PRICKLE1: variants seen among roughly 807,000 people sequenced by gnomAD.
PRICKLE1 encodes the protein prickle planar cell polarity protein 1.
In PRICKLE1, 14 loss-of-function variants were observed where a neutral mutation model predicts 70.2. That is an observed-to-expected ratio of 0.20 (90% CI 0.13 to 0.31). The LOEUF (loss-of-function observed/expected upper bound fraction) is 0.31. PRICKLE1 is among the 10% of genes least tolerant of loss of function. The pLI is 1.00. For synonymous variants in PRICKLE1, 357 were observed against 379.9 expected (o/e 0.94, Z 0.70); for missense variants, 821 against 1,026.2 (o/e 0.80, Z 2.73).
Position 42,519,193 on chromosome 12 carries a change from C to CTTTTTTTTTTTTTTTT in PRICKLE1, c.-48-46645_-48-46630dup, listed in dbSNP as rs11342397. 8.2e-4 allele frequency among the ~76,000 whole-genome samples: 81 copies of CTTTTTTTTTTTTTTTT among 99,198 alleles called. 1 individual carries two copies. The highest frequency in any genetic ancestry group is 1.3e-3 in the East Asian group (4 of 3,100). The allele number at this position is 99,198 out of a possible 152,430, so 65.1% of individuals were successfully genotyped here. Reference sequence around the variant, plus strand: ...TACTGAATTTCCTTTCCTTTTTTTCCTTTTTTTTTTTTTTTTTTTTGAGAT... The same window carrying CTTTTTTTTTTTTTTTT: ...TACTGAATTTCCTTTCCTTTTTTTCCTTTTTTTTTTTTTTTTTTTTTTTTTTTTTTTTTTTTGAGAT... On this transcript the variant is annotated intron_variant, in intron 1 of 7. Transcript: ENST00000345127.
chr12:42,469,726 A>T (rs969838931), intron 3 of PRICKLE1, 139 bp from the exon 4 acceptor site: 109 of 1,026,004 alleles, frequency 1.1e-4, no homozygotes, highest in Non-Finnish European at 1.4e-4. Context: ...TTTTAAAATG[A>T]CACCATATCT....
intron 1 of PRICKLE1, among the ~76,000 whole-genome samples, chr12:42,530,287 TTTC>T (rs1175524679): frequency 6.6e-6 from 1 of 152,154 alleles, no homozygotes; most frequent in Non-Finnish European, 1.5e-5. Flanking sequence ...TAGATTTTTA[TTTC>T]TTCTTCTTCC....
At chr12:42,477,919 C>T (rs966741256) in intron 1 of PRICKLE1, among the ~76,000 whole-genome samples, 6 of 149,608 alleles carry the variant, frequency 4.0e-5, no homozygotes, top group African/African-American at 1.5e-4. Flanking sequence ...TTTGTAGAAC[C>T]ATGCTTAGAT....
At chr12:42,494,476 T>G (rs1939158740) in intron 1 of PRICKLE1, among the ~76,000 whole-genome samples, 1 of 152,176 alleles carries the variant, frequency 6.6e-6, no homozygotes, top group Non-Finnish European at 1.5e-5. Context: ...AGGAGTAGAT[T>G]CCATCAAGAA....
intron 1 of PRICKLE1, among the ~76,000 whole-genome samples, chr12:42,535,160 T>C (rs2120567887): frequency 6.6e-6 from 1 of 152,276 alleles, no homozygotes; most frequent in Admixed American, 6.5e-5. Flanking sequence ...TTCTGGAACT[T>C]TCCTGAATTA....
chr12:42,498,087 C>T (rs1014519975), intron 1 of PRICKLE1, among the ~76,000 whole-genome samples: 19 of 151,598 alleles, frequency 1.3e-4, no homozygotes, highest in Admixed American at 8.6e-4. Context: ...TAGCCTCAAG[C>T]GATCTCTAGC....
chr12:42,543,023 C>T (rs190481822), intron 1 of PRICKLE1, among the ~76,000 whole-genome samples: 6 of 152,304 alleles, frequency 3.9e-5, no homozygotes, highest in Admixed American at 3.9e-4. Context: ...CTCTTTCCAC[C>T]ATATAAGGAC....
In PRICKLE1 at chr12:42,460,276, T is replaced by C; in HGVS notation, c.2029A>G (p.Arg677Gly). The change falls in exon 8 of 8, where the codon AGA becomes GGA. Residue 677 changes from arginine to glycine, a missense_variant. By Grantham distance (125) the Arg-to-Gly change is moderately radical (BLOSUM62 -2). Transcript: ENST00000345127. ...GSRSHHHRRR[R>G]SRKSRSDNAL... is the part of the protein sequence containing the mutation. ...TTGTCGGAGCGGGACTTTCTACTTC[T>C]CCGGCGGCGGTGGTGATGAGACCTG... 4 of 1,614,178 alleles carry C rather than the reference T, an allele frequency of 2.5e-6. No individual in the cohort carries two copies. Among genetic ancestry groups the C allele is most frequent in the Non-Finnish European group, 3.4e-6 (4 of 1,180,044 alleles).
chr12:42,523,826 T>C (rs1836124430), intron 1 of PRICKLE1, among the ~76,000 whole-genome samples: 1 of 152,250 alleles, frequency 6.6e-6, no homozygotes, highest in Non-Finnish European at 1.5e-5. Context: ...AAGTTCAGTA[T>C]AAAGATCTTT....
chr12:42,476,591 C>T (rs1166304768), intron 1 of PRICKLE1, among the ~76,000 whole-genome samples: 1 of 152,214 alleles, frequency 6.6e-6, no homozygotes, highest in African/African-American at 2.4e-5. Flanking sequence ...GCTGGGATTA[C>T]AGGCGTGAGC....
chr12:42,586,959 G>T (rs1487626977), intron 1 of PRICKLE1, among the ~76,000 whole-genome samples: 1 of 152,188 alleles, frequency 6.6e-6, no homozygotes, highest in Admixed American at 6.5e-5. Flanking sequence ...AAAGTTAAGA[G>T]TTCAGCTATT....
intron 1 of PRICKLE1, among the ~76,000 whole-genome samples, chr12:42,576,810 A>AG (rs1940812724): frequency 6.6e-6 from 1 of 152,202 alleles, no homozygotes; most frequent in East Asian, 1.9e-4. Flanking sequence ...TGAGGTCCTA[A>AG]GGATTTGCTG....
chr12:42,558,978 C>A (rs565198070), intron 1 of PRICKLE1, among the ~76,000 whole-genome samples: 1 of 152,210 alleles, frequency 6.6e-6, no homozygotes, highest in South Asian at 2.1e-4. Flanking sequence ...TGCAACAAGT[C>A]CTAGCTTTCA....
chr12:42,470,905 C>CAAA (rs201660544), intron 2 of PRICKLE1, among the ~76,000 whole-genome samples: 6 of 113,616 alleles, frequency 5.3e-5, no homozygotes, highest in Non-Finnish European at 1.1e-4. Flanking sequence ...GAATCCGTCT[C>CAAA]AAAAAAAAAA....
intron 1 of PRICKLE1, chr12:42,489,620 TTGCAC>T (rs1939056992): frequency 7.4e-6 from 1 of 135,090 alleles, no homozygotes; most frequent in Non-Finnish European, 1.5e-5. Flanking sequence ...GATTGAGCCA[TTGCAC>T]TTAAACCTGG....
chr12:42,542,628 G>T (rs1940137966), intron 1 of PRICKLE1, among the ~76,000 whole-genome samples: 1 of 152,156 alleles, frequency 6.6e-6, no homozygotes, highest in African/African-American at 2.4e-5. Context: ...TCCAGTCTGG[G>T]CAACAGAGCA....
intron 1 of PRICKLE1, among the ~76,000 whole-genome samples, chr12:42,488,880 A>G (rs115552775): frequency 0.036 from 5,500 of 151,184 alleles, 339 homozygotes; most frequent in African/African-American, 0.13. Context: ...GTGAATTTTT[A>G]TATTTTCACA....
At chr12:42,465,329 G>A (rs1938051714) in intron 6 of PRICKLE1, 71 bp from the exon 7 acceptor site, 21 of 1,482,362 alleles carry the variant, frequency 1.4e-5, no homozygotes, top group East Asian at 2.3e-5. Flanking sequence ...AGGAAGAAAC[G>A]AAGAAAATAA....
chr12:42,503,425 G>T (rs1294318462), intron 1 of PRICKLE1, among the ~76,000 whole-genome samples: 2 of 152,054 alleles, frequency 1.3e-5, no homozygotes, highest in Non-Finnish European at 2.9e-5. Context: ...GCAGTGCTGG[G>T]TAGTAAAGAA....
Sources: gnomAD v4.1 joint callset for allele counts (sites outside exome capture counted in the v4.1 genomes callset) on GRCh38, gnomAD v4.1.1 for gene constraint, MANE v1.5 for transcripts, NCBI Gene and HGNC (gene_info 2026-07-23, HGNC 2026-07-21) for gene names.